ITGA8: variants seen among roughly 807,000 people sequenced by gnomAD.
ITGA8 encodes integrin subunit alpha 8.
In ITGA8, 91 loss-of-function variants were observed where a neutral mutation model predicts 142.3. That is an observed-to-expected ratio of 0.64 (90% CI 0.54 to 0.76). ITGA8 has a LOEUF of 0.76. Among genes scored for constraint, ITGA8 ranks in the 30% least tolerant of loss-of-function variants. The pLI, the probability that ITGA8 is intolerant of heterozygous loss-of-function variation, is 0.00. For missense variants in ITGA8, 1,406 were observed against 1,327.7 expected (o/e 1.06, Z -0.92); for synonymous variants, 505 against 485.2 (o/e 1.04, Z -0.54).
chr10:15,643,353 C>G (rs989921974), intron 13 of ITGA8, among the ~76,000 whole-genome samples: 1 of 152,164 alleles, frequency 6.6e-6, no homozygotes, highest in Non-Finnish European at 1.5e-5. Flanking sequence ...GATCTTGGCT[C>G]AGTGCAGCCT....
At chr10:15,549,398 A>G (rs574580780) in intron 26 of ITGA8, among the ~76,000 whole-genome samples, 1 of 151,738 alleles carries the variant, frequency 6.6e-6, no homozygotes, top group South Asian at 2.1e-4. Context: ...TTTAGTAGAG[A>G]TGGGGTTTCA....
chr10:15,543,343 A>G (rs57331615), intron 27 of ITGA8, among the ~76,000 whole-genome samples: 8,399 of 152,264 alleles, frequency 0.055, 741 homozygotes, highest in African/African-American at 0.19. Flanking sequence ...CACTTTGCTA[A>G]TAGGCAGTTT....
intron 13 of ITGA8, among the ~76,000 whole-genome samples, chr10:15,637,267 A>G (rs1474026663): frequency 6.6e-6 from 1 of 152,144 alleles, no homozygotes; most frequent in African/African-American, 2.4e-5. Flanking sequence ...TGATCAGCAA[A>G]TTGGTTTCCT....
chr10:15,523,890 C>T (rs990479328), intron 28 of ITGA8, among the ~76,000 whole-genome samples: 14 of 152,206 alleles, frequency 9.2e-5, no homozygotes, highest in Non-Finnish European at 1.5e-4. Flanking sequence ...CAAGATCGCA[C>T]CACTGCACTC....
intron 9 of ITGA8, 86 bp downstream of exon 9, chr10:15,660,793 A>G: frequency 9.2e-7 from 1 of 1,085,092 alleles, no homozygotes. Context: ...TTTTCAATTT[A>G]TGATGGGTTT....
In ITGA8 at chr10:15,555,781, C is replaced by T. The variant is rs923379982; in HGVS notation, c.2766+2293G>A. 8.6e-5 allele frequency among the ~76,000 whole-genome samples: 13 copies of T among 151,726 alleles called. No individual in the cohort carries two copies. The Middle Eastern group carries it at 0.014, about 159-fold the overall frequency. Reference sequence around the variant, plus strand: ...CGCGATCTCGGCTCACTGCAAGCTCCGCCTCCCGGGTTCACGCCATTCTCC... The same window carrying T: ...CGCGATCTCGGCTCACTGCAAGCTCTGCCTCCCGGGTTCACGCCATTCTCC... On this transcript the variant is annotated intron_variant, in intron 26 of 29. Coordinates refer to ENST00000378076, the MANE Select transcript of ITGA8 (RefSeq NM_003638.3).
intron 23 of ITGA8, among the ~76,000 whole-genome samples, chr10:15,580,863 A>T (rs939122171): frequency 6.6e-6 from 1 of 152,222 alleles, no homozygotes; most frequent in Non-Finnish European, 1.5e-5. Flanking sequence ...GTAAAATTGA[A>T]CAAGGCAAGG....
intron 17 of ITGA8, 59 bp from the exon 18 acceptor site, chr10:15,606,481 T>G: frequency 6.7e-7 from 1 of 1,502,882 alleles, no homozygotes; most frequent in Non-Finnish European, 9.1e-7. Context: ...AAGATGTCAG[T>G]CTGCAAAAGT....
chr10:15,542,883 A>G (rs1564343793), intron 27 of ITGA8, among the ~76,000 whole-genome samples: 4 of 152,216 alleles, frequency 2.6e-5, no homozygotes, highest in African/African-American at 9.6e-5. Context: ...CGATCACTCA[A>G]TAGTAATCTG....
intron 11 of ITGA8, among the ~76,000 whole-genome samples, chr10:15,654,686 G>A (rs569443161): frequency 6.6e-6 from 1 of 152,256 alleles, no homozygotes; most frequent in East Asian, 1.9e-4. Context: ...TGTGTATTCT[G>A]GGCACCAAGA....
chr10:15,558,966 C>T (rs1029147011), intron 25 of ITGA8, among the ~76,000 whole-genome samples: 1 of 152,130 alleles, frequency 6.6e-6, no homozygotes, highest in Admixed American at 6.5e-5. Context: ...TTTTCTGTTC[C>T]CCACTCCCAC....
intron 21 of ITGA8, among the ~76,000 whole-genome samples, chr10:15,593,011 A>G (rs1050854156): frequency 1.3e-5 from 2 of 152,250 alleles, no homozygotes; most frequent in African/African-American, 4.8e-5. Flanking sequence ...ATAACAATCA[A>G]CAATGAGTGA....
intron 27 of ITGA8, among the ~76,000 whole-genome samples, chr10:15,532,732 A>C (rs761655124): frequency 4.2e-4 from 59 of 139,714 alleles, no homozygotes; most frequent in Non-Finnish European, 7.4e-4. Flanking sequence ...CTTGAGACCC[A>C]AGTGTTAATC....
chr10:15,618,754 T>TC (rs1833439493), intron 13 of ITGA8, among the ~76,000 whole-genome samples: 1 of 152,204 alleles, frequency 6.6e-6, no homozygotes, highest in South Asian at 2.1e-4. Flanking sequence ...AACATCAGAC[T>TC]CCAAGTTCTT....
At chr10:15,534,228 G>A (rs932915197) in intron 27 of ITGA8, among the ~76,000 whole-genome samples, 1 of 152,108 alleles carries the variant, frequency 6.6e-6, no homozygotes, top group African/African-American at 2.4e-5. Flanking sequence ...AATCTTGACT[G>A]CCGTTTCTGG....
chr10:15,558,114 T>C lies in ITGA8; in HGVS notation c.2726A>G (p.His909Arg), dbSNP rs571642992. ...IPHLVRKRDV[H>R]VVEFHRQSPA... ...GCTCTGTCTGTGGAATTCGACCACA[T>C]GTACATCCCTCTTCCTGACAAGATG... The change falls in exon 26 of 30, where the codon CAT becomes CGT. Residue 909 changes from histidine to arginine, a missense_variant. By Grantham distance (29) the His-to-Arg change is conservative. Coordinates refer to ENST00000378076, the MANE Select transcript of ITGA8 (RefSeq NM_003638.3). 1.2e-6 allele frequency: 2 copies of C among 1,614,194 alleles called. No homozygotes were observed. Among genetic ancestry groups the C allele is most frequent in the African/African-American group, 1.3e-5 (1 of 75,058 alleles).
chr10:15,643,883 T>C, intron 13 of ITGA8, 147 bp downstream of exon 13: 1 of 619,700 alleles, frequency 1.6e-6, no homozygotes, highest in Non-Finnish European at 2.7e-6. Context: ...AAAGTCGCTC[T>C]GGAATCGTAC....
At chr10:15,663,179 A>C (rs923912986) in intron 8 of ITGA8, among the ~76,000 whole-genome samples, 1 of 152,190 alleles carries the variant, frequency 6.6e-6, no homozygotes, top group African/African-American at 2.4e-5. Context: ...TAAGTAAATC[A>C]TGAACATGCA....
At chr10:15,607,613 A>G (rs1833218139) in intron 17 of ITGA8, 64 bp downstream of exon 17, 1 of 1,478,660 alleles carries the variant, frequency 6.8e-7, no homozygotes, top group Admixed American at 1.7e-5. Flanking sequence ...GGTTAAATGG[A>G]GAAAAATGGT....
Sources: gnomAD v4.1 joint callset for allele counts (sites outside exome capture counted in the v4.1 genomes callset) on GRCh38, gnomAD v4.1.1 for gene constraint, MANE v1.5 for transcripts, NCBI Gene and HGNC (gene_info 2026-07-23, HGNC 2026-07-21) for gene names.